ZNF280D: variants seen among roughly 807,000 people sequenced by gnomAD.
The protein encoded by ZNF280D is zinc finger protein 280D.
ZNF280D carries 39 observed loss-of-function variants against 94.7 expected under a neutral mutation model. The ratio of observed to expected loss-of-function variants is 0.41; its 90% CI spans 0.32 to 0.54. The LOEUF (loss-of-function observed/expected upper bound fraction) is 0.54. Ranked by LOEUF, ZNF280D falls within the 20% of genes least tolerant of loss-of-function variation. ZNF280D has a pLI of 0.22. For missense variants in ZNF280D, 1,090 were observed against 1,149.3 expected, an observed-to-expected ratio of 0.95 and a Z score of 0.75; for synonymous variants, 398 against 377.6, an observed-to-expected ratio of 1.05 and a Z score of -0.63.
intron 6 of ZNF280D, among the ~76,000 whole-genome samples, chr15:56,697,607 T>G (rs1259717557): frequency 2.0e-5 from 3 of 152,234 alleles, no homozygotes; most frequent in Non-Finnish European, 2.9e-5. Flanking sequence ...TAGGAAAATG[T>G]ACTACTATTT....
At chr15:56,704,071 C>CTAACTTGTGAACTGTTAG (rs1488031601) in intron 4 of ZNF280D, 50 bp downstream of exon 4, 14 of 1,599,242 alleles carry the variant, frequency 8.8e-6, no homozygotes, top group Non-Finnish European at 1.2e-5. Flanking sequence ...AGTTTTTCTA[C>CTAACTTGTGAACTGTTAG]TAGAAATAAT....
chr15:56,678,126 G>T (rs1245505644), intron 11 of ZNF280D, among the ~76,000 whole-genome samples: 2 of 151,508 alleles, frequency 1.3e-5, no homozygotes, highest in East Asian at 3.9e-4. Context: ...TCCTGCCTCA[G>T]CTTCCCAAGG....
At chr15:56,694,305 AC>A (rs1268834101) in intron 6 of ZNF280D, among the ~76,000 whole-genome samples, 2 of 97,188 alleles carry the variant, frequency 2.1e-5, no homozygotes, top group Non-Finnish European at 4.4e-5. Flanking sequence ...ACACACACAC[AC>A]ACACACACAC....
rs780369036 is a variant in ZNF280D, at chr15:56,682,340, T to C, written c.918A>G (p.Lys306=). 3 of 1,600,642 alleles carry C rather than the reference T, an allele frequency of 1.9e-6. No homozygotes were observed. Among genetic ancestry groups the C allele is most frequent in the Admixed American group, 3.6e-5 (2 of 55,736 alleles). ...GTTCCTCCTGGACATCTCCTTCATG[T>C]TTTCCATAATAAAAGTCATTAACTA... ...IMLVNDFYYG[K]HEGDVQEEQK... is the part of the protein sequence containing the mutation. The change falls in exon 10 of 22, where the codon AAA becomes AAG. Residue 306 remains lysine, a synonymous_variant. Transcript: ENST00000267807.
intron 6 of ZNF280D, 47 bp from the exon 7 acceptor site, chr15:56,693,262 TAA>T: frequency 4.7e-6 from 3 of 633,656 alleles, no homozygotes; most frequent in Non-Finnish European, 7.1e-6. Flanking sequence ...TCAACAGTTA[TAA>T]TTATTTCAAT....
At chr15:56,682,708 T>G (rs2055714734) in intron 9 of ZNF280D, among the ~76,000 whole-genome samples, 1 of 152,010 alleles carries the variant, frequency 6.6e-6, no homozygotes, top group Non-Finnish European at 1.5e-5. Context: ...TGAGAAACCC[T>G]AAAACCAAGA....
Position 56,701,204 on chromosome 15 carries a change from T to C in ZNF280D, c.210A>G (p.Ser70=), listed in dbSNP as rs771664609. Residue 70 remains serine (S), a synonymous_variant, in exon 5 of 22, where the codon TCA becomes TCG. Coordinates refer to ENST00000267807, the MANE Select transcript of ZNF280D (RefSeq NM_017661.4). ...TGAGTGCACCATTCTTTAGTCCCCT[T>C]GAATATGAGCTGGGGTTAACTCTGT... ...ILNRVNPSSY[S]RGLKNGALSR... is the part of the protein sequence containing the mutation. 6.3e-7 allele frequency: 1 copy of C among 1,587,202 alleles called. No individual in the cohort carries two copies.
intron 21 of ZNF280D, among the ~76,000 whole-genome samples, chr15:56,634,709 T>C (rs1242560649): frequency 5.9e-5 from 9 of 152,148 alleles, no homozygotes; most frequent in African/African-American, 1.7e-4. Flanking sequence ...CTGTGAAACA[T>C]CTTGTGTTCT....
In ZNF280D at chr15:56,631,697, C is replaced by A. The variant is rs61741526; in HGVS notation, c.2741G>T (p.Gly914Val). The change falls in exon 22 of 22, where the codon GGC (glycine) becomes GTC (valine). Residue 914 changes from glycine to valine, a missense_variant. Around this residue, in one of 3 missense-constraint regions of ZNF280D, gnomAD observed 577 missense variants for 568.8 expected, o/e 1.01. Coordinates refer to ENST00000267807, the MANE Select transcript of ZNF280D (RefSeq NM_017661.4). ...ESVSSDVSEQ[G>V]SIHLEPLTPS... is the part of the protein sequence containing the mutation. ...AGTCAGAGGTTCCAAATGAATACTG[C>A]CTTGCTCGCTAACATCAGAACTAAC... 0.022 allele frequency: 35,795 copies of A among 1,614,132 alleles called. 474 individuals carry two copies. The highest frequency in any genetic ancestry group is 0.027 in the Non-Finnish European group (31,355 of 1,180,010).
chr15:56,669,995 TA>T lies in ZNF280D; in HGVS notation c.1411-1039del, dbSNP rs1289200734. ...ATATAATATATATATTATATATATA[TA>T]TTATATATATATAATATATATATAT... On this transcript the variant is annotated intron_variant, in intron 13 of 21. Coordinates refer to ENST00000267807, the MANE Select transcript of ZNF280D (RefSeq NM_017661.4). 5.8e-3 allele frequency among the ~76,000 whole-genome samples: 10 copies of T among 1,720 alleles called. 3 individuals are homozygous for T. Among genetic ancestry groups the T allele is most frequent in the African/African-American group, 0.013 (10 of 786 alleles). 1.1% of individuals were successfully genotyped at this position (1,720 alleles called of 152,430 possible).
At chr15:56,715,619 A>C (rs1436496881) in intron 1 of ZNF280D, among the ~76,000 whole-genome samples, 1 of 152,182 alleles carries the variant, frequency 6.6e-6, no homozygotes, top group African/African-American at 2.4e-5. Context: ...CCTGGATCTA[A>C]AAACAAATGA....
At chr15:56,677,544 A>C in intron 12 of ZNF280D, 30 bp downstream of exon 12, 1 of 1,496,976 alleles carries the variant, frequency 6.7e-7, no homozygotes, top group Non-Finnish European at 9.3e-7. Flanking sequence ...CAAACCAAAC[A>C]CTTAAAAAAA....
chr15:56,653,120 A>C (rs2053308583), intron 19 of ZNF280D: 3 of 994,586 alleles, frequency 3.0e-6, no homozygotes, highest in South Asian at 4.7e-5. Context: ...GCAATTTTGG[A>C]ACTTAATTGT....
intron 21 of ZNF280D, among the ~76,000 whole-genome samples, chr15:56,633,615 C>T (rs993429276): frequency 2.0e-5 from 3 of 151,866 alleles, no homozygotes; most frequent in African/African-American, 4.8e-5. Flanking sequence ...CTCAGCCTCC[C>T]GAATAGCTGG....
chr15:56,706,223 A>G (rs1411449029), intron 3 of ZNF280D, among the ~76,000 whole-genome samples: 1 of 148,074 alleles, frequency 6.8e-6, no homozygotes, highest in Non-Finnish European at 1.5e-5. Flanking sequence ...ACCTATAATC[A>G]CAACACTTTG....
Position 56,631,978 on chromosome 15 carries a change from G to C in ZNF280D, c.2460C>G (p.Gly820=). ...NETCLADQET[G]SKNIVSCDSN... ...AATCACAACTGACGATGTTTTTTGAGCCAGTTTCCTGGTCTGCAAGACAGG... is the reference window on the plus strand; with the variant it reads ...AATCACAACTGACGATGTTTTTTGACCCAGTTTCCTGGTCTGCAAGACAGG... Residue 820 remains glycine, a synonymous_variant, in exon 22 of 22, where the codon GGC becomes GGG. Transcript: ENST00000267807. The C allele has an allele frequency of 6.2e-7, 1 of 1,613,948 alleles. No individual in the cohort carries two copies. Among genetic ancestry groups the C allele is most frequent in the Non-Finnish European group, 8.5e-7 (1 of 1,180,000 alleles).
Position 56,631,303 on chromosome 15 carries a change from G to T in ZNF280D, c.*195C>A. ...GTTCGTGTTTTTAAAAACTTTTTGGGAATCCCTACTAATCATGCTATTATT... is the reference window on the plus strand; with the variant it reads ...GTTCGTGTTTTTAAAAACTTTTTGGTAATCCCTACTAATCATGCTATTATT... On this transcript the variant is annotated 3_prime_UTR_variant, in exon 22 of 22. Coordinates refer to ENST00000267807, the MANE Select transcript of ZNF280D (RefSeq NM_017661.4). 2 of 525,104 alleles carry T rather than the reference G, an allele frequency of 3.8e-6. No individual in the cohort carries two copies. 32.5% of individuals were successfully genotyped at this position (525,104 alleles called of 1,614,324 possible). A position where few individuals can be genotyped will look rare whatever the true frequency, so the allele number is the denominator to read the frequency against.
Position 56,668,579 on chromosome 15 carries a change from T to C in ZNF280D, c.1545+244A>G, listed in dbSNP as rs59481571. 0.05 allele frequency among the ~76,000 whole-genome samples: 7,552 copies of C among 152,102 alleles called. 299 individuals carry two copies. Among genetic ancestry groups the C allele is most frequent in the South Asian group, 0.16 (773 of 4,822 alleles). ...GCCTATAAAATATTGAAACAACCCA[T>C]TGACCCAGGAAAAGTTAATTGAGTT... On this transcript the variant is annotated intron_variant, in intron 14 of 21. Transcript: ENST00000267807.
In ZNF280D at chr15:56,632,147, G is replaced by T. The variant is rs748445468; in HGVS notation, c.2316-25C>A. On this transcript the variant is annotated intron_variant, in intron 21 of 21. Coordinates refer to ENST00000267807, the MANE Select transcript of ZNF280D (RefSeq NM_017661.4). ...ACTGAAAAATAAAGTCATTTATTAT[G>T]TATTTCTTCATAAAGCAATGTTTTT... 23 of 1,497,494 alleles carry T rather than the reference G, an allele frequency of 1.5e-5. No homozygotes were observed. In the South Asian group the frequency reaches 2.9e-4, roughly 19 times the overall value. The allele number at this position is 1,497,494 out of a possible 1,614,324, so 92.8% of individuals were successfully genotyped here. A position where few individuals can be genotyped will look rare whatever the true frequency, so the allele number is the denominator to read the frequency against.
Sources: gnomAD v4.1 joint callset for allele counts (sites outside exome capture counted in the v4.1 genomes callset) on GRCh38, gnomAD v4.1.1 for gene constraint, gnomAD v4.1.1 regional missense constraint, MANE v1.5 for transcripts, NCBI Gene and HGNC (gene_info 2026-07-23, HGNC 2026-07-21) for gene names.